GRAMD1A: variants seen among roughly 807,000 people sequenced by gnomAD.
GRAMD1A encodes the protein GRAM domain containing 1A, also known as protein Aster-A.
A neutral mutation model predicts 92.0 loss-of-function variants in GRAMD1A; 50 were observed. The ratio of observed to expected loss-of-function variants is 0.54; its 90% confidence interval spans 0.43 to 0.69. The LOEUF (loss-of-function observed/expected upper bound fraction) is 0.69, where lower values mean the gene tolerates loss of function less well. Among genes scored for constraint, GRAMD1A ranks in the 30% least tolerant of loss-of-function variants. The probability of loss-of-function intolerance (pLI) is 0.00; values close to 1 mark genes in which losing one functional copy is unlikely to be tolerated. For missense variants in GRAMD1A, 819 were observed against 978.9 expected, an observed-to-expected ratio of 0.84 and a Z score of 2.18; for synonymous variants, 405 against 403.6, an observed-to-expected ratio of 1.00 and a Z score of -0.04.
intron 1 of GRAMD1A, among the ~76,000 whole-genome samples, chr19:35,001,753 G>A (rs1253491426): frequency 1.3e-5 from 2 of 152,024 alleles, no homozygotes; most frequent in Admixed American, 1.3e-4. Flanking sequence ...GATTACAGGC[G>A]TGTGCCACCA....
intron 7 of GRAMD1A, among the ~76,000 whole-genome samples, chr19:35,011,907 C>G (rs568789803): frequency 1.3e-5 from 2 of 152,210 alleles, no homozygotes; most frequent in East Asian, 3.8e-4. Context: ...CCAGCCCCAT[C>G]CTCCGGCTGA....
chr19:34,999,969 C>T (rs2014222098), upstream of GRAMD1A: 4 of 984,486 alleles, frequency 4.1e-6, no homozygotes, highest in Non-Finnish European at 4.8e-6. Context: ...CCCCCACCTT[C>T]GCCCCGGCTC....
chr19:35,015,841 C>T lies in GRAMD1A; in HGVS notation c.1087C>T (p.Leu363Phe), dbSNP rs780927984. The T allele has an allele frequency of 1.9e-6, 3 of 1,613,954 alleles. No homozygotes were observed. The highest frequency in any genetic ancestry group is 2.2e-5 in the South Asian group (2 of 91,070). The part of the protein sequence containing the change: ...TGEEADLAAL[L>F]PDLSGRLLIN... ...GTCTCCAGCGGACTTGGCTGCCCTG[C>T]TTCCCGACCTCTCCGGCCGCCTCCT... The change falls in exon 11 of 20, where the codon CTT (leucine) becomes TTT (phenylalanine). Residue 363 changes from leucine (L) to phenylalanine (F), a missense_variant. Physicochemically the swap from Leu to Phe is conservative, Grantham distance 22. Coordinates refer to ENST00000317991, the MANE Select transcript of GRAMD1A (RefSeq NM_020895.5).
chr19:35,019,462 C>G lies in GRAMD1A; in HGVS notation c.1404C>G (p.Pro468=), dbSNP rs547257936. 1.6e-5 allele frequency: 26 copies of G among 1,613,946 alleles called. No homozygotes were observed. The South Asian group carries it at 2.7e-4, about 17-fold the overall frequency. ...VDSEVLTQGI[P]YQDYFYTAHR... ...CCGAGGTGCTGACGCAGGGCATCCC[C>G]TACCAGGACTACTTCTACACTGCCC... The change falls in exon 13 of 20, where the codon CCC becomes CCG. Residue 468 remains proline, a synonymous_variant. Coordinates refer to ENST00000317991, the MANE Select transcript of GRAMD1A (RefSeq NM_020895.5).
chr19:34,995,056 C>T (rs1314341550), intron 1 of GRAMD1A, among the ~76,000 whole-genome samples: 1 of 152,236 alleles, frequency 6.6e-6, no homozygotes. Flanking sequence ...AGAAACTGGC[C>T]TGGCTTCCTC....
Position 35,023,236 on chromosome 19 carries a change from C to T in GRAMD1A, c.1854C>T (p.Ser618=), listed in dbSNP as rs1193648827. 10 of 1,612,196 alleles carry T rather than the reference C, an allele frequency of 6.2e-6. No individual in the cohort carries two copies. In the African/African-American group the frequency reaches 1.1e-4, roughly 17 times the overall value. The stretch of plus-strand genomic sequence containing the variant: ...CCTGACCTCTGACCCCTGTCCCCAG[C>T]CTTATCATCCTCATCGCCCTCAACG... The part of the protein sequence containing the change: ...LVLISIVICV[S]LIILIALNVL... Residue 618 remains serine, a splice_region_variant and synonymous_variant, in exon 18 of 20, where the codon AGC becomes AGT. Coordinates refer to ENST00000317991, the MANE Select transcript of GRAMD1A (RefSeq NM_020895.5).
chr19:35,009,396 T>C lies in GRAMD1A; in HGVS notation c.220-27T>C, dbSNP rs527351789. The C allele has an allele frequency of 1.9e-5, 31 of 1,614,092 alleles. No individual in the cohort carries two copies. In the Admixed American group the frequency reaches 5.0e-4, roughly 26 times the overall value. ...GGCTGGCCGGTGATCTAGGGGCTCATCCTGACTCCTCTCCTTTTCTTTGCA... is the reference window on the plus strand; with the variant it reads ...GGCTGGCCGGTGATCTAGGGGCTCACCCTGACTCCTCTCCTTTTCTTTGCA... On this transcript the variant is annotated intron_variant, in intron 2 of 19. Coordinates refer to ENST00000317991, the MANE Select transcript of GRAMD1A (RefSeq NM_020895.5).
At chr19:35,020,971 G>A (rs1464949621) in intron 13 of GRAMD1A, among the ~76,000 whole-genome samples, 1 of 152,248 alleles carries the variant, frequency 6.6e-6, no homozygotes, top group Non-Finnish European at 1.5e-5. Flanking sequence ...TTAGCTGACA[G>A]GATTTGCTGA....
Position 35,021,997 on chromosome 19 carries a change from C to T in GRAMD1A, c.1800C>T (p.Pro600=), listed in dbSNP as rs961938628. The part of the protein sequence containing the change: ...RFSEPSVDQG[P]GAGIPSALVL... ...CCGAACCATCTGTGGACCAGGGCCC[C>T]GGGGCAGGCATCCCCAGTGCCCTGG... Residue 600 remains proline (P), a synonymous_variant, in exon 16 of 20, where the codon CCC becomes CCT. Transcript: ENST00000317991. The surrounding 1 kb of genome is among the most constrained non-coding windows in gnomAD (Gnocchi z 5.3). 31 of 1,613,882 alleles carry T rather than the reference C, an allele frequency of 1.9e-5. No individual in the cohort carries two copies. The highest frequency in any genetic ancestry group is 5.5e-5 in the South Asian group (5 of 91,044).
chr19:35,006,733 A>G (rs908378687), intron 1 of GRAMD1A, among the ~76,000 whole-genome samples: 2 of 152,206 alleles, frequency 1.3e-5, no homozygotes, highest in African/African-American at 4.8e-5. Context: ...CTATGTGCCT[A>G]GAGTTTTGGG....
At position 35,014,305 on chromosome 19, in the gene GRAMD1A, C is replaced by G. The variant is rs768097340; in HGVS notation, c.987C>G (p.Thr329=). ...STEPTQPDGP[T]TLGPLDLLPS... is the part of the protein sequence containing the mutation. ...AGCCCACCCAGCCTGACGGGCCCACCACCCTGGGCCCCTTGGATCTGCTGC... is the reference window on the plus strand; with the variant it reads ...AGCCCACCCAGCCTGACGGGCCCACGACCCTGGGCCCCTTGGATCTGCTGC... Residue 329 remains threonine, a synonymous_variant, in exon 10 of 20, where the codon ACC becomes ACG. Coordinates refer to ENST00000317991, the MANE Select transcript of GRAMD1A (RefSeq NM_020895.5). 11 of 1,613,906 alleles carry G rather than the reference C, an allele frequency of 6.8e-6. No homozygotes were observed. The highest frequency in any genetic ancestry group is 9.3e-6 in the Non-Finnish European group (11 of 1,179,744).
In GRAMD1A at chr19:35,022,896, G is replaced by T; in HGVS notation, c.1842-4G>T. 1 of 1,604,332 alleles carries T rather than the reference G, an allele frequency of 6.2e-7. No homozygotes were observed. Among genetic ancestry groups the T allele is most frequent in the Non-Finnish European group, 8.5e-7 (1 of 1,175,556 alleles). ...TCTGTCTCCCCTCACTGCTGCTGCT[G>T]CAGGATCTGTGTGAGGTAGGGTCCC... On this transcript the variant is annotated splice_region_variant and splice_polypyrimidine_tract_variant and intron_variant, in intron 16 of 19. Coordinates refer to ENST00000317991, the MANE Select transcript of GRAMD1A (RefSeq NM_020895.5).
In GRAMD1A at chr19:35,000,932, GC is replaced by G. The variant is rs1461990330; in HGVS notation, c.8+451del. Among the ~76,000 whole-genome samples the G allele has an allele frequency of 1.3e-5, 2 of 152,030 alleles. No individual in the cohort carries two copies. Among genetic ancestry groups the G allele is most frequent in the Non-Finnish European group, 2.9e-5 (2 of 67,974 alleles). On this transcript the variant is annotated intron_variant, in intron 1 of 19. Coordinates refer to ENST00000317991, the MANE Select transcript of GRAMD1A (RefSeq NM_020895.5). This position sits in a 1 kb window ranked among gnomAD's most constrained non-coding sequence, Gnocchi z 4.9. ...GCCCTGGGCGCGCCGGGAGTAGGCAGCCCCCTCCTGCCTGGGCCCCCTCCCA... is the reference window on the plus strand; with the variant it reads ...GCCCTGGGCGCGCCGGGAGTAGGCAGCCCCTCCTGCCTGGGCCCCCTCCCA...
In GRAMD1A at chr19:35,013,276, C is replaced by G; in HGVS notation, c.627C>G (p.Leu209=). Residue 209 remains leucine (L), a synonymous_variant, in exon 8 of 20, where the codon CTC becomes CTG. Coordinates refer to ENST00000317991, the MANE Select transcript of GRAMD1A (RefSeq NM_020895.5). This position sits in a 1 kb window ranked among gnomAD's most constrained non-coding sequence, Gnocchi z 4.9. ...CCCAGACGCTGAGTCCCCGCGAGCTCTGGCACCTGGTGCATCAGTGCTACG... is the reference window on the plus strand; with the variant it reads ...CCCAGACGCTGAGTCCCCGCGAGCTGTGGCACCTGGTGCATCAGTGCTACG... ...LLEKTLSPRE[L]WHLVHQCYGS... is the part of the protein sequence containing the mutation. 1 of 1,546,646 alleles carries G rather than the reference C, an allele frequency of 6.5e-7. No individual in the cohort carries two copies. The highest frequency in any genetic ancestry group is 8.7e-7 in the Non-Finnish European group (1 of 1,143,490).
chr19:35,014,502 G>A, intron 10 of GRAMD1A, 115 bp downstream of exon 10: 9 of 842,512 alleles, frequency 1.1e-5, no homozygotes, highest in Non-Finnish European at 1.8e-5. Flanking sequence ...AGGCGGGATG[G>A]CGTTCAGGCG....
intron 7 of GRAMD1A, among the ~76,000 whole-genome samples, chr19:35,012,230 C>A (rs967897981): frequency 3.9e-5 from 6 of 152,262 alleles, no homozygotes; most frequent in Non-Finnish European, 7.3e-5. Flanking sequence ...CGGCTGTAGA[C>A]CAGCTCCCCT....
chr19:35,016,102 C>A, intron 11 of GRAMD1A, 135 bp downstream of exon 11: 1 of 914,488 alleles, frequency 1.1e-6, no homozygotes, highest in Non-Finnish European at 1.7e-6. Context: ...GTCTGTCAGA[C>A]CAGAAGCAGC....
chr19:34,999,829 G>T (rs752241696), upstream of GRAMD1A, among the ~76,000 whole-genome samples: 1 of 152,204 alleles, frequency 6.6e-6, no homozygotes, highest in Non-Finnish European at 1.5e-5. Flanking sequence ...CGGACCTCCT[G>T]GGACCAGGAA....
upstream of GRAMD1A, chr19:34,995,972 A>T: frequency 6.9e-7 from 1 of 1,459,522 alleles, no homozygotes; most frequent in South Asian, 1.3e-5. Flanking sequence ...TCTATCCCTC[A>T]TCTCTTTTTT....
Sources: gnomAD v4.1 joint callset for allele counts (sites outside exome capture counted in the v4.1 genomes callset) on GRCh38, gnomAD v4.1.1 for gene constraint, Gnocchi (gnomAD v3.1) non-coding constraint, MANE v1.5 for transcripts, NCBI Gene and HGNC (gene_info 2026-07-23, HGNC 2026-07-21) for gene names.